The following EPB41L4A variants were observed in gnomAD, a reference collection of about 807,000 sequenced individuals.
The protein encoded by EPB41L4A is erythrocyte membrane protein band 4.1 like 4A, also known as band 4.1-like protein 4A.
A neutral mutation model predicts 108.6 loss-of-function variants in EPB41L4A; 100 were observed. That is an observed-to-expected ratio of 0.92 (90% CI 0.78 to 1.09). The LOEUF is 1.09. Ranked by LOEUF, EPB41L4A falls within the 50% of genes least tolerant of loss-of-function variation. The pLI, the probability that EPB41L4A is intolerant of heterozygous loss-of-function variation, is 0.00. For missense variants in EPB41L4A, 1,030 were observed against 842.7 expected, an observed-to-expected ratio of 1.22 and a Z score of -2.75; for synonymous variants, 319 against 289.0, an observed-to-expected ratio of 1.10 and a Z score of -1.05.
chr5:112,313,924 C>T (rs1255107164), intron 1 of EPB41L4A, among the ~76,000 whole-genome samples: 1 of 128,732 alleles, frequency 7.8e-6, no homozygotes, highest in African/African-American at 3.1e-5. Flanking sequence ...AGTGCAGTGG[C>T]GCAATCTCCG....
chr5:112,277,711 G>C (rs1171754741), intron 3 of EPB41L4A, among the ~76,000 whole-genome samples: 3 of 152,148 alleles, frequency 2.0e-5, no homozygotes, highest in Non-Finnish European at 4.4e-5. Context: ...TTTAGAGTGA[G>C]ATAATACTCT....
chr5:112,362,382 G>C (rs1196069956), intron 1 of EPB41L4A, among the ~76,000 whole-genome samples: 2 of 151,438 alleles, frequency 1.3e-5, no homozygotes, highest in Non-Finnish European at 2.9e-5. Context: ...CCACATTCGA[G>C]CGATTCTCCT....
chr5:112,292,243 C>G (rs1753691389), intron 2 of EPB41L4A, among the ~76,000 whole-genome samples: 1 of 152,158 alleles, frequency 6.6e-6, no homozygotes, highest in Non-Finnish European at 1.5e-5. Context: ...TGAGCAACAG[C>G]AAATGCTCAT....
rs78110318 is a variant in EPB41L4A, at chr5:112,202,084, T to G, written c.1376+2291A>C. ...GGTTCTAGTTAAGAGAGACTCCAGT[T>G]AGATCTGAAGGCAGAGAACAGGAAA... On this transcript the variant is annotated intron_variant, in intron 15 of 22. Transcript: ENST00000261486. 5.8e-3 allele frequency among the ~76,000 whole-genome samples: 877 copies of G among 152,342 alleles called. 3 individuals are homozygous for G. The highest frequency in any genetic ancestry group is 0.014 in the Middle Eastern group (4 of 294).
intron 1 of EPB41L4A, among the ~76,000 whole-genome samples, chr5:112,377,622 C>A (rs17134426): frequency 0.022 from 3,370 of 152,152 alleles, 131 homozygotes; most frequent in African/African-American, 0.07. Context: ...GTAGTTTTGC[C>A]AAGACCAATT....
In EPB41L4A at chr5:112,168,724, C is replaced by T. The variant is rs886443621; in HGVS notation, c.1932+15G>A. 1.2e-6 allele frequency: 2 copies of T among 1,605,188 alleles called. No homozygotes were observed. The highest frequency in any genetic ancestry group is 8.5e-7 in the Non-Finnish European group (1 of 1,172,306). On this transcript the variant is annotated intron_variant, in intron 22 of 22. Transcript: ENST00000261486. ...CATCAATACAACACCTTCTTCAAAC[C>T]TTACTATTACTAACCTGATGAACTG...
chr5:112,345,510 T>C lies in EPB41L4A; in HGVS notation c.100-38020A>G, dbSNP rs991580251. 3.1e-4 allele frequency among the ~76,000 whole-genome samples: 47 copies of C among 152,092 alleles called. 1 individual carries two copies. Among genetic ancestry groups the C allele is most frequent in the Non-Finnish European group, 1.0e-4 (7 of 68,010 alleles). On this transcript the variant is annotated intron_variant, in intron 1 of 22. Transcript: ENST00000261486. Reference sequence around the variant, plus strand: ...TAGACTAGAAGGAAATATACAAAAATGTTAACCATGGTTGTCCCTGGGTAC... The same window carrying C: ...TAGACTAGAAGGAAATATACAAAAACGTTAACCATGGTTGTCCCTGGGTAC...
chr5:112,210,058 T>C, intron 12 of EPB41L4A, 76 bp from the exon 13 acceptor site: 10 of 890,028 alleles, frequency 1.1e-5, no homozygotes, highest in Non-Finnish European at 1.8e-5. Flanking sequence ...GAAGACTTAT[T>C]TTAAAATGCA....
chr5:112,276,587 T>A (rs773411659), intron 3 of EPB41L4A, among the ~76,000 whole-genome samples: 1 of 152,100 alleles, frequency 6.6e-6, no homozygotes, highest in African/African-American at 2.4e-5. Context: ...TCCCACAAAT[T>A]AAAAAGAAAA....
intron 14 of EPB41L4A, among the ~76,000 whole-genome samples, chr5:112,204,819 A>G (rs1010824119): frequency 3.9e-5 from 6 of 152,228 alleles, no homozygotes; most frequent in African/African-American, 1.4e-4. Flanking sequence ...CTTTACATTC[A>G]TTATCTCAGC....
intron 1 of EPB41L4A, among the ~76,000 whole-genome samples, chr5:112,321,432 C>T (rs1339465962): frequency 6.6e-6 from 1 of 152,160 alleles, no homozygotes; most frequent in Non-Finnish European, 1.5e-5. Flanking sequence ...CAGAGGGATG[C>T]TCTTTTAGGG....
intron 2 of EPB41L4A, among the ~76,000 whole-genome samples, chr5:112,289,517 G>C (rs982886539): frequency 6.6e-6 from 1 of 152,182 alleles, no homozygotes; most frequent in Admixed American, 6.5e-5. Context: ...GTAACACTGT[G>C]TGGTGGCAGA....
rs184839195 is a variant in EPB41L4A at position 112,413,247 on chromosome 5, C to T, written c.99+5694G>A. ...GTGTGATTCATGTTTTCTGAAATAGCTGCTAGTCAGCTTTTCAATGTACTG... is the reference window on the plus strand; with the variant it reads ...GTGTGATTCATGTTTTCTGAAATAGTTGCTAGTCAGCTTTTCAATGTACTG... On this transcript the variant is annotated intron_variant, in intron 1 of 22. Transcript: ENST00000261486. Among the ~76,000 whole-genome samples the T allele has an allele frequency of 1.4e-3, 216 of 152,336 alleles. 1 individual carries two copies. Among genetic ancestry groups the T allele is most frequent in the Admixed American group, 3.5e-3 (54 of 15,302 alleles).
chr5:112,248,665 G>C (rs1405744201), intron 9 of EPB41L4A, among the ~76,000 whole-genome samples: 1 of 152,050 alleles, frequency 6.6e-6, no homozygotes, highest in African/African-American at 2.4e-5. Context: ...AACTCCCTCT[G>C]GTCTTCCCAG....
At position 112,291,084 on chromosome 5, in the gene EPB41L4A, C is replaced by T. The variant is rs79492686; in HGVS notation, c.205-10761G>A. On this transcript the variant is annotated intron_variant, in intron 2 of 22. Transcript: ENST00000261486. Reference sequence around the variant, plus strand: ...TCTCTGGGATGTCAAATGGGTGTTTCAAACCCAACATATGCAAATCAGAAC... The same window carrying T: ...TCTCTGGGATGTCAAATGGGTGTTTTAAACCCAACATATGCAAATCAGAAC... Among the ~76,000 whole-genome samples, 903 of 152,290 alleles carry T rather than the reference C, an allele frequency of 5.9e-3. 8 individuals are homozygous for T. Among genetic ancestry groups the T allele is most frequent in the African/African-American group, 0.021 (858 of 41,560 alleles).
At chr5:112,292,065 T>G (rs894312691) in intron 2 of EPB41L4A, among the ~76,000 whole-genome samples, 1 of 152,198 alleles carries the variant, frequency 6.6e-6, no homozygotes, top group Non-Finnish European at 1.5e-5. Context: ...TATCATCTTA[T>G]TTTCAAAGCA....
chr5:112,402,102 G>A (rs527986022), intron 1 of EPB41L4A, among the ~76,000 whole-genome samples: 1 of 152,338 alleles, frequency 6.6e-6, no homozygotes, highest in African/African-American at 2.4e-5. Context: ...GTTGGAGGAG[G>A]GGCCTGGTGG....
At chr5:112,175,722 ATGTGTGTG>A (rs61692111) in intron 18 of EPB41L4A, among the ~76,000 whole-genome samples, 1 of 150,920 alleles carries the variant, frequency 6.6e-6, no homozygotes, top group African/African-American at 2.4e-5. Flanking sequence ...ATCTGAAGAT[ATGTGTGTG>A]TGTGTGTATA....
At chr5:112,372,790 A>G (rs959458257) in intron 1 of EPB41L4A, among the ~76,000 whole-genome samples, 1 of 152,210 alleles carries the variant, frequency 6.6e-6, no homozygotes, top group Admixed American at 6.5e-5. Context: ...ATACAGAGAA[A>G]TGAACTGTAA....
Sources: allele counts gnomAD v4.1 joint callset (sites outside exome capture counted in the v4.1 genomes callset), GRCh38; gene constraint gnomAD v4.1.1; transcripts MANE v1.5; gene names NCBI Gene and HGNC (gene_info 2026-07-23, HGNC 2026-07-21).